Variants in RSU1 observed in about 807,000 individuals in gnomAD.
The protein encoded by RSU1 is rsu-1.
RSU1 carries 26 observed loss-of-function variants against 31.1 expected under a neutral mutation model. The observed-to-expected ratio is 0.84, with a 90% confidence interval of 0.61 to 1.16. The LOEUF is 1.16. Ranked by LOEUF, RSU1 falls within the 50% of genes most tolerant of loss-of-function variation. The probability of loss-of-function intolerance (pLI) is 0.00; values close to 1 mark genes in which losing one functional copy is unlikely to be tolerated. For missense variants in RSU1, 320 were observed against 339.1 expected (o/e 0.94, Z 0.44); for synonymous variants, 164 against 136.3 (o/e 1.20, Z -1.41).
At chr10:16,758,541 C>A (rs1187988475) in intron 4 of RSU1, among the ~76,000 whole-genome samples, 1 of 152,172 alleles carries the variant, frequency 6.6e-6, no homozygotes, top group Admixed American at 6.5e-5. Flanking sequence ...CACTTGCTAG[C>A]TGCGTGACCT....
intron 3 of RSU1, among the ~76,000 whole-genome samples, chr10:16,769,477 A>C (rs924943270): frequency 6.6e-6 from 1 of 152,252 alleles, no homozygotes; most frequent in African/African-American, 2.4e-5. Context: ...CCATCACCGC[A>C]AAATGTTTTA....
At chr10:16,675,605 T>C (rs184386952) in intron 8 of RSU1, among the ~76,000 whole-genome samples, 3 of 152,324 alleles carry the variant, frequency 2.0e-5, no homozygotes, top group Non-Finnish European at 4.4e-5. Flanking sequence ...GGGATCACTA[T>C]TCACATAAAC....
chr10:16,690,658 C>T (rs141059250), intron 8 of RSU1, among the ~76,000 whole-genome samples: 1 of 152,202 alleles, frequency 6.6e-6, no homozygotes, highest in Non-Finnish European at 1.5e-5. Context: ...GCCTATAAAT[C>T]AGATCATCCA....
intron 3 of RSU1, among the ~76,000 whole-genome samples, chr10:16,779,560 C>T (rs961638676): frequency 2.6e-5 from 4 of 151,886 alleles, no homozygotes; most frequent in African/African-American, 7.3e-5. Context: ...TGTCAGAGAA[C>T]GGTGTAATTG....
At chr10:16,603,910 A>G (rs1369044534) in intron 8 of RSU1, among the ~76,000 whole-genome samples, 1 of 152,238 alleles carries the variant, frequency 6.6e-6, no homozygotes, top group African/African-American at 2.4e-5. Flanking sequence ...TGTATGGGCA[A>G]TTTACCCATT....
intron 7 of RSU1, among the ~76,000 whole-genome samples, chr10:16,721,952 T>G (rs10737014): frequency 0.64 from 97,539 of 152,052 alleles, 32,988 homozygotes; most frequent in African/African-American, 0.86. Flanking sequence ...AGAGAAATTT[T>G]TATTATTAAT....
intron 8 of RSU1, among the ~76,000 whole-genome samples, chr10:16,594,714 G>A (rs1833580904): frequency 7.0e-6 from 1 of 143,594 alleles, no homozygotes; most frequent in Non-Finnish European, 1.5e-5. Flanking sequence ...GATAATATAT[G>A]ATACATATAG....
chr10:16,816,045 C>G (rs1458804445), intron 2 of RSU1, among the ~76,000 whole-genome samples: 2 of 152,192 alleles, frequency 1.3e-5, no homozygotes, highest in Non-Finnish European at 1.5e-5. Context: ...AATGGACAAC[C>G]TGGAGAAGTG....
intron 8 of RSU1, among the ~76,000 whole-genome samples, chr10:16,684,707 T>C (rs544131282): frequency 1.3e-5 from 2 of 152,146 alleles, no homozygotes; most frequent in South Asian, 4.1e-4. Context: ...TTTCTGCTTT[T>C]AAACCATGCC....
intron 8 of RSU1, among the ~76,000 whole-genome samples, chr10:16,636,911 TCA>T: frequency 6.6e-6 from 1 of 152,198 alleles, no homozygotes; most frequent in Non-Finnish European, 1.5e-5. Context: ...AGCCATCTGT[TCA>T]CTGTTTGTCT....
chr10:16,677,148 T>G (rs566733441), intron 8 of RSU1, among the ~76,000 whole-genome samples: 2 of 152,322 alleles, frequency 1.3e-5, no homozygotes, highest in Non-Finnish European at 2.9e-5. Context: ...TTTTCTTATT[T>G]TCTTCCCAGA....
Position 16,646,238 on chromosome 10 carries a change from C to T in RSU1, c.731+48785G>A, listed in dbSNP as rs115893165. On this transcript the variant is annotated intron_variant, in intron 8 of 8. Coordinates refer to ENST00000345264, the MANE Select transcript of RSU1 (RefSeq NM_012425.4). ...TCTGAGTGATAGGAGAAAGCCCGTT[C>T]CCCATTTGGGAGGGTTTCAGTAAAG... Among the ~76,000 whole-genome samples, 990 of 151,980 alleles carry T rather than the reference C, an allele frequency of 6.5e-3. 8 individuals carry two copies. Among genetic ancestry groups the T allele is most frequent in the African/African-American group, 0.022 (914 of 41,444 alleles).
intron 8 of RSU1, among the ~76,000 whole-genome samples, chr10:16,683,160 G>GGGGTGTGTGTGTGTGTGTGTGTGTGTGT (rs1554766309): frequency 7.0e-6 from 1 of 143,352 alleles, no homozygotes; most frequent in Non-Finnish European, 1.5e-5. Flanking sequence ...ATGGGTGTGT[G>GGGGTGTGTGTGTGTGTGTGTGTGTGTGT]GTGTGTGTGT....
rs1308697260 is a variant in RSU1 at position 16,732,986 on chromosome 10, G to T, written c.598+19553C>A. On this transcript the variant is annotated intron_variant, in intron 7 of 8. Transcript: ENST00000345264. ...TTTGACAGGTTACTCTAAGCTTAAGGTTCCTCATCTGTAAAATGGGAAAAA... is the reference window on the plus strand; with the variant it reads ...TTTGACAGGTTACTCTAAGCTTAAGTTTCCTCATCTGTAAAATGGGAAAAA... Among the ~76,000 whole-genome samples the T allele has an allele frequency of 3.3e-5, 5 of 152,144 alleles. No individual in the cohort carries two copies. The East Asian group carries it at 9.7e-4, about 29-fold the overall frequency.
intron 3 of RSU1, among the ~76,000 whole-genome samples, chr10:16,766,575 C>A (rs10904802): frequency 0.044 from 6,743 of 152,194 alleles, 272 homozygotes; most frequent in East Asian, 0.11. Context: ...ATTAGCTGGG[C>A]ATGGTGGCAG....
rs751611155 is a variant in RSU1 at position 16,753,019 on chromosome 10, T to C, written c.401-19A>G. ...AGGGTGGCTGCAAATTAAACAGCAA[T>C]ATATAAACAGGGTGGCATGGAACAC... On this transcript the variant is annotated intron_variant, in intron 5 of 8. Coordinates refer to ENST00000345264, the MANE Select transcript of RSU1 (RefSeq NM_012425.4). 1.2e-6 allele frequency: 2 copies of C among 1,601,850 alleles called. No homozygotes were observed. The highest frequency in any genetic ancestry group is 1.7e-5 in the Admixed American group (1 of 59,966).
At chr10:16,658,613 A>G (rs757047688) in intron 8 of RSU1, among the ~76,000 whole-genome samples, 16 of 152,166 alleles carry the variant, frequency 1.1e-4, no homozygotes, top group African/African-American at 3.6e-4. Context: ...AATCCCAGCT[A>G]CTCAGGAGGC....
At chr10:16,714,815 A>G (rs1836103571) in intron 7 of RSU1, among the ~76,000 whole-genome samples, 1 of 152,090 alleles carries the variant, frequency 6.6e-6, no homozygotes, top group Non-Finnish European at 1.5e-5. Flanking sequence ...TCAAGATGGG[A>G]CAGAGTTGAA....
intron 4 of RSU1, among the ~76,000 whole-genome samples, chr10:16,758,597 A>G (rs551016161): frequency 4.1e-4 from 63 of 152,350 alleles, no homozygotes; most frequent in African/African-American, 1.4e-3. Flanking sequence ...CCTCAACTAT[A>G]AAATGAGGCT....
Sources: gnomAD v4.1 joint callset for allele counts (sites outside exome capture counted in the v4.1 genomes callset) on GRCh38, gnomAD v4.1.1 for gene constraint, MANE v1.5 for transcripts, NCBI Gene and HGNC (gene_info 2026-07-23, HGNC 2026-07-21) for gene names.